PRPH2: variants seen among roughly 807,000 people sequenced by gnomAD.
PRPH2 encodes peripherin-2.
Under a neutral mutation model 31.3 loss-of-function variants are expected in PRPH2, and 17 were observed. That is an observed-to-expected ratio of 0.54 (90% confidence interval 0.37 to 0.81). The LOEUF (loss-of-function observed/expected upper bound fraction) is 0.81. Among genes scored for constraint, PRPH2 ranks in the 40% least tolerant of loss-of-function variants. The pLI, the probability that PRPH2 is intolerant of heterozygous loss-of-function variation, is 0.00. For synonymous variants in PRPH2, 165 were observed against 184.4 expected (o/e 0.89, Z 0.85); for missense variants, 430 against 439.7 (o/e 0.98, Z 0.20).
Position 42,721,702 on chromosome 6 carries a change from C to T in PRPH2, c.581+52G>A. ...AGGGGCTGGTCAGAGGCCTGAGCCT[C>T]AGTGTCCCCAATATATTCATAGCTC... On this transcript the variant is annotated intron_variant, in intron 1 of 2. Coordinates refer to ENST00000230381, the MANE Select transcript of PRPH2 (RefSeq NM_000322.5). The T allele has an allele frequency of 7.5e-6, 12 of 1,603,398 alleles. No individual in the cohort carries two copies. The South Asian group carries it at 9.9e-5, about 13-fold the overall frequency.
intron 1 of PRPH2, among the ~76,000 whole-genome samples, chr6:42,714,403 GT>G (rs1761733195): frequency 1.3e-5 from 2 of 152,158 alleles, no homozygotes; most frequent in South Asian, 4.1e-4. Context: ...TGATGAAAAT[GT>G]TCTAAAATTG....
chr6:42,718,982 CA>C (rs1761842547), intron 1 of PRPH2, among the ~76,000 whole-genome samples: 2 of 152,172 alleles, frequency 1.3e-5, no homozygotes, highest in Middle Eastern at 6.8e-3. Flanking sequence ...TGTCTTTAGA[CA>C]AACTTTGTGG....
At chr6:42,706,191 G>A (rs1800161062) in intron 1 of PRPH2, among the ~76,000 whole-genome samples, 3 of 151,456 alleles carry the variant, frequency 2.0e-5, no homozygotes, top group Middle Eastern at 3.5e-3. Context: ...GGATCACGAG[G>A]TCAGGAGATC....
intron 2 of PRPH2, 22 bp from the exon 3 acceptor site, chr6:42,698,529 T>G: frequency 4.3e-6 from 7 of 1,613,954 alleles, no homozygotes; most frequent in Non-Finnish European, 5.9e-6. Context: ...AGAGGAGATT[T>G]AGAGGCAATC....
At chr6:42,713,919 CAAAAAAAAAAAA>C (rs55805454) in intron 1 of PRPH2, among the ~76,000 whole-genome samples, 9 of 38,094 alleles carry the variant, frequency 2.4e-4, no homozygotes, top group African/African-American at 3.9e-4. Flanking sequence ...GACTCCATCT[CAAAAAAAAAAAA>C]AAAAAAAAAA....
At position 42,698,520 on chromosome 6, in the gene PRPH2, G is replaced by A. The variant is rs1321696080; in HGVS notation, c.829-13C>T. 1 of 1,614,074 alleles carries A rather than the reference G, an allele frequency of 6.2e-7. No homozygotes were observed. The highest frequency in any genetic ancestry group is 1.7e-5 in the Admixed American group (1 of 60,026). The stretch of plus-strand genomic sequence containing the variant: ...TTGTAATGGTCACCTGGTGGTGGGA[G>A]AGGAGATTTAGAGGCAATCTGGGAG... On this transcript the variant is annotated splice_polypyrimidine_tract_variant and intron_variant, in intron 2 of 2. Coordinates refer to ENST00000230381, the MANE Select transcript of PRPH2 (RefSeq NM_000322.5).
chr6:42,716,845 C>T (rs1395144853), intron 1 of PRPH2, among the ~76,000 whole-genome samples: 19 of 150,680 alleles, frequency 1.3e-4, no homozygotes, highest in African/African-American at 3.9e-4. Flanking sequence ...TTCTCAAACT[C>T]CTGACCTCAA....
intron 1 of PRPH2, among the ~76,000 whole-genome samples, chr6:42,709,334 T>TAAAAAAAAAAAAAAAAA (rs58632063): frequency 3.9e-5 from 3 of 77,044 alleles, no homozygotes; most frequent in African/African-American, 5.0e-5. Flanking sequence ...TGTCTCAAAT[T>TAAAAAAAAAAAAAAAAA]AAAAAAAAAA....
Position 42,697,651 on chromosome 6 carries a change from G to A in PRPH2, c.*644C>T, listed in dbSNP as rs1236060864. The A allele has an allele frequency of 6.6e-6, 1 of 152,394 alleles. No homozygotes were observed. The highest frequency in any genetic ancestry group is 1.5e-5 in the Non-Finnish European group (1 of 68,290). 9.4% of individuals were successfully genotyped at this position (152,394 alleles called of 1,614,324 possible). On this transcript the variant is annotated 3_prime_UTR_variant, in exon 3 of 3. Coordinates refer to ENST00000230381, the MANE Select transcript of PRPH2 (RefSeq NM_000322.5). The stretch of plus-strand genomic sequence containing the variant: ...AAGCAGGCCTTTCACTGTGTTTTTG[G>A]TGGGGGATAAAATCCCCTGCCTTGA...
chr6:42,718,644 A>G (rs1761834427), intron 1 of PRPH2, among the ~76,000 whole-genome samples: 1 of 151,952 alleles, frequency 6.6e-6, no homozygotes, highest in Non-Finnish European at 1.5e-5. Context: ...TTGTGTGCTA[A>G]TTCATATATT....
Position 42,698,163 on chromosome 6 carries a change from G to A in PRPH2, c.*132C>T, listed in dbSNP as rs77363417. ...AGGGACCCTAAACTTAAATTCCACC[G>A]TCAGGGAGAGTCTCTGTAAGATGGT... On this transcript the variant is annotated 3_prime_UTR_variant, in exon 3 of 3. Coordinates refer to ENST00000230381, the MANE Select transcript of PRPH2 (RefSeq NM_000322.5). 5.2e-3 allele frequency: 6,512 copies of A among 1,262,012 alleles called. 235 individuals carry two copies. The African/African-American group carries it at 0.087, about 17-fold the overall frequency. 78.2% of individuals were successfully genotyped at this position (1,262,012 alleles called of 1,614,324 possible).
At chr6:42,719,075 G>T (rs1263801285) in intron 1 of PRPH2, among the ~76,000 whole-genome samples, 1 of 152,102 alleles carries the variant, frequency 6.6e-6, no homozygotes, top group African/African-American at 2.4e-5. Context: ...GAAGCAAAAT[G>T]CTCAAAGATG....
chr6:42,716,962 CTTTTTTTTTTTTTTTTTTT>C (rs1161769235), intron 1 of PRPH2, among the ~76,000 whole-genome samples: 1 of 45,188 alleles, frequency 2.2e-5, no homozygotes, highest in Non-Finnish European at 3.8e-5. Flanking sequence ...TCTTTCTTTT[CTTTTTTTTTTTTTTTTTTT>C]TTTTTGGTAG....
At chr6:42,716,717 T>C (rs998215585) in intron 1 of PRPH2, among the ~76,000 whole-genome samples, 2 of 148,656 alleles carry the variant, frequency 1.3e-5, no homozygotes, top group African/African-American at 4.9e-5. Context: ...GCCTCCCAGA[T>C]TGAAGCAATT....
At chr6:42,702,456 T>G (rs373916346) in intron 2 of PRPH2, among the ~76,000 whole-genome samples, 18 of 151,530 alleles carry the variant, frequency 1.2e-4, no homozygotes, top group African/African-American at 4.4e-4. Context: ...GAAGTTTGGA[T>G]TTTCTGCTCT....
chr6:42,706,172 G>C (rs1447683372), intron 1 of PRPH2, among the ~76,000 whole-genome samples: 6 of 151,716 alleles, frequency 4.0e-5, no homozygotes, highest in Non-Finnish European at 8.8e-5. Flanking sequence ...TTGGGAGGCT[G>C]AGGCGGGTGG....
At chr6:42,713,948 GACA>G in intron 1 of PRPH2, among the ~76,000 whole-genome samples, 1 of 86,808 alleles carries the variant, frequency 1.2e-5, no homozygotes, top group Non-Finnish European at 2.4e-5. Context: ...AAAAAAAAAA[GACA>G]GGGAAAGACA....
At position 42,722,541 on chromosome 6, in the gene PRPH2, C is replaced by A; in HGVS notation, c.-207G>T. ...GGTGGCAGGGGTCTCGGAATCACAG[C>A]TTGAGCAGGGGATAGTCCTGGTCCT... On this transcript the variant is annotated 5_prime_UTR_variant, in exon 1 of 3. Transcript: ENST00000230381. The surrounding 1 kb of genome is among the most constrained non-coding windows in gnomAD (Gnocchi z 4.4). 2.1e-6 allele frequency: 3 copies of A among 1,448,196 alleles called. No homozygotes were observed. In the Admixed American group the frequency reaches 7.5e-5, roughly 36 times the overall value. 89.7% of individuals were successfully genotyped at this position (1,448,196 alleles called of 1,614,324 possible).
chr6:42,719,816 G>A (rs183925134), intron 1 of PRPH2, among the ~76,000 whole-genome samples: 5 of 151,226 alleles, frequency 3.3e-5, no homozygotes, highest in African/African-American at 7.3e-5. Flanking sequence ...TGATCCGCCC[G>A]CCTCGGCCTC....
Sources: gnomAD v4.1 joint callset for allele counts (sites outside exome capture counted in the v4.1 genomes callset) on GRCh38, gnomAD v4.1.1 for gene constraint, Gnocchi (gnomAD v3.1) non-coding constraint, MANE v1.5 for transcripts, NCBI Gene and HGNC (gene_info 2026-07-23, HGNC 2026-07-21) for gene names.